The following COL24A1 variants were observed in gnomAD, a reference collection of about 807,000 sequenced individuals.
The protein encoded by COL24A1 is collagen type XXIV alpha 1 chain.
COL24A1 carries 224 observed loss-of-function variants against 253.9 expected under a neutral mutation model. The ratio of observed to expected loss-of-function variants is 0.88; its 90% confidence interval spans 0.79 to 0.99. The LOEUF is 0.99. Ranked by LOEUF, COL24A1 falls within the 50% of genes least tolerant of loss-of-function variation. COL24A1 has a pLI of 0.00. For synonymous variants in COL24A1, 685 were observed against 673.7 expected (o/e 1.02, Z -0.26); for missense variants, 2,131 against 2,068.5 (o/e 1.03, Z -0.59).
intron 2 of COL24A1, among the ~76,000 whole-genome samples, chr1:86,133,494 G>A (rs904163947): frequency 6.6e-6 from 1 of 152,122 alleles, no homozygotes; most frequent in African/African-American, 2.4e-5. Flanking sequence ...GTTTGTCATA[G>A]ATAGCACTTA....
At chr1:85,819,558 T>C (rs1673390299) in intron 45 of COL24A1, among the ~76,000 whole-genome samples, 1 of 152,196 alleles carries the variant, frequency 6.6e-6, no homozygotes, top group Non-Finnish European at 1.5e-5. Context: ...TTCAAAATCA[T>C]GTTTTTTAAA....
At chr1:85,863,752 C>T (rs1679444128) in intron 37 of COL24A1, among the ~76,000 whole-genome samples, 2 of 152,178 alleles carry the variant, frequency 1.3e-5, no homozygotes, top group African/African-American at 4.8e-5. Context: ...TGAACAGACA[C>T]TTCTCAAAAG....
intron 3 of COL24A1, among the ~76,000 whole-genome samples, chr1:86,116,356 T>A (rs1440789848): frequency 6.6e-6 from 1 of 152,232 alleles, no homozygotes; most frequent in Non-Finnish European, 1.5e-5. Flanking sequence ...TAATGTGCTT[T>A]ATTTTTCTTT....
chr1:85,838,626 C>T lies in COL24A1; in HGVS notation c.3640G>A (p.Asp1214Asn), dbSNP rs750544730. The change falls in exon 43 of 60, where the codon GAC becomes AAC. Residue 1214 changes from aspartate to asparagine, a missense_variant. Coordinates refer to ENST00000370571, the MANE Select transcript of COL24A1 (RefSeq NM_152890.7). ...CCAGGCTCTCCTCTCTCTCCTTGGT[C>T]CCCCACTGGACCCTACAGAGACCAC... ...GPRGEPGPVG[D>N]QGERGEPGAE... 10 of 1,613,480 alleles carry T rather than the reference C, an allele frequency of 6.2e-6. No individual in the cohort carries two copies. The East Asian group carries it at 1.6e-4, about 25-fold the overall frequency.
intron 24 of COL24A1, among the ~76,000 whole-genome samples, chr1:85,932,592 T>C (rs1687843872): frequency 1.1e-5 from 1 of 87,080 alleles, no homozygotes; most frequent in Admixed American, 1.4e-4. Flanking sequence ...ACTGGGTATA[T>C]ACCCAAATGA....
intron 24 of COL24A1, among the ~76,000 whole-genome samples, chr1:85,950,296 G>C (rs1188241326): frequency 6.6e-6 from 1 of 152,162 alleles, no homozygotes; most frequent in African/African-American, 2.4e-5. Context: ...GACTCAAAAA[G>C]CCAGTGGATT....
At chr1:85,985,971 C>T (rs539340059) in intron 20 of COL24A1, among the ~76,000 whole-genome samples, 1 of 151,898 alleles carries the variant, frequency 6.6e-6, no homozygotes, top group East Asian at 1.9e-4. Context: ...ATTGCACCTC[C>T]ACCTTTTCAC....
intron 19 of COL24A1, among the ~76,000 whole-genome samples, chr1:86,010,473 A>G (rs980245303): frequency 4.6e-5 from 7 of 152,142 alleles, no homozygotes; most frequent in Non-Finnish European, 1.0e-4. Context: ...GTTCAGTGTC[A>G]CTTATAGTGA....
chr1:85,958,353 G>T (rs1031355754), intron 24 of COL24A1, among the ~76,000 whole-genome samples: 1 of 151,838 alleles, frequency 6.6e-6, no homozygotes, highest in Non-Finnish European at 1.5e-5. Flanking sequence ...TGGCACCCTT[G>T]TCATAGTCCC....
intron 8 of COL24A1, among the ~76,000 whole-genome samples, chr1:86,060,001 T>C (rs1234769713): frequency 6.6e-6 from 1 of 152,126 alleles, no homozygotes; most frequent in Non-Finnish European, 1.5e-5. Context: ...CCACCCAGTC[T>C]ATGGTCTTTT....
At chr1:85,881,084 T>A (rs184541970) in intron 32 of COL24A1, among the ~76,000 whole-genome samples, 78 of 152,250 alleles carry the variant, frequency 5.1e-4, no homozygotes, top group Admixed American at 5.2e-4. Context: ...TTGTTTCTAT[T>A]TTCTGGAACA....
At chr1:85,780,602 C>A (rs950879104) in intron 52 of COL24A1, among the ~76,000 whole-genome samples, 4 of 152,138 alleles carry the variant, frequency 2.6e-5, no homozygotes, top group African/African-American at 4.8e-5. Flanking sequence ...AGGTCTATCA[C>A]CTTGAATGAC....
chr1:85,794,496 A>G (rs190660008), intron 47 of COL24A1, among the ~76,000 whole-genome samples: 151 of 152,280 alleles, frequency 9.9e-4, no homozygotes, highest in Non-Finnish European at 2.0e-3. Context: ...ACCCAGTAGA[A>G]TGAATATAGT....
intron 5 of COL24A1, among the ~76,000 whole-genome samples, chr1:86,107,630 G>T (rs1460758909): frequency 6.6e-6 from 1 of 151,850 alleles, no homozygotes; most frequent in Non-Finnish European, 1.5e-5. Context: ...CGCCTCCCGG[G>T]TTCACGCCAT....
intron 1 of COL24A1, chr1:86,154,982 G>C (rs1285917387): frequency 6.6e-6 from 1 of 152,324 alleles, no homozygotes; most frequent in African/African-American, 2.4e-5. Context: ...GATGTTTATC[G>C]AGAACAGTGG....
Position 85,958,132 on chromosome 1 carries a change from G to A in COL24A1, c.2562+3117C>T, listed in dbSNP as rs28666526. On this transcript the variant is annotated intron_variant, in intron 24 of 59. Coordinates refer to ENST00000370571, the MANE Select transcript of COL24A1 (RefSeq NM_152890.7). Reference sequence around the variant, plus strand: ...AATCTATAAGGTAGTTATTTTCATCGTTTTACTGCTGAAAAAAAAACAAAT... The same window carrying A: ...AATCTATAAGGTAGTTATTTTCATCATTTTACTGCTGAAAAAAAAACAAAT... Among the ~76,000 whole-genome samples the A allele has an allele frequency of 7.3e-3, 1,102 of 151,528 alleles. 9 individuals are homozygous for A. The highest frequency in any genetic ancestry group is 0.024 in the African/African-American group (994 of 41,288).
chr1:86,133,880 A>T (rs982830959), intron 2 of COL24A1, among the ~76,000 whole-genome samples: 5 of 152,022 alleles, frequency 3.3e-5, no homozygotes, highest in African/African-American at 7.2e-5. Flanking sequence ...GTTAGGGAGG[A>T]TTCCCTCTTT....
chr1:86,056,994 A>G (rs961571023), intron 10 of COL24A1, among the ~76,000 whole-genome samples: 1 of 152,202 alleles, frequency 6.6e-6, no homozygotes, highest in Non-Finnish European at 1.5e-5. Context: ...TTTATTTTAT[A>G]CACTACATAT....
rs377029827 is a variant in COL24A1, at chr1:86,022,873, A to G, written c.2108T>C (p.Leu703Pro). 7.5e-5 allele frequency: 121 copies of G among 1,606,154 alleles called. No individual in the cohort carries two copies. In the East Asian group the frequency reaches 2.5e-3, roughly 33 times the overall value. The change falls in exon 16 of 60, where the codon CTT (leucine) becomes CCT (proline). Residue 703 changes from leucine (L) to proline (P), a missense_variant. By Grantham distance (98) the Leu-to-Pro change is moderately conservative (BLOSUM62 -3). Coordinates refer to ENST00000370571, the MANE Select transcript of COL24A1 (RefSeq NM_152890.7). ...TCCAGGTAGTCCTTTATTCCCTGAAAGGCCCTACAAAAAAAGGTGACATTT... is the reference window on the plus strand; with the variant it reads ...TCCAGGTAGTCCTTTATTCCCTGAAGGGCCCTACAAAAAAAGGTGACATTT... ...GPAGIPGPMG[L>P]SGNKGLPGIK...
Sources: allele counts gnomAD v4.1 joint callset (sites outside exome capture counted in the v4.1 genomes callset), GRCh38; gene constraint gnomAD v4.1.1; transcripts MANE v1.5; gene names NCBI Gene and HGNC (gene_info 2026-07-23, HGNC 2026-07-21).